The following RNF13 variants were observed in gnomAD, a reference collection of about 807,000 sequenced individuals.
RNF13 encodes the protein ring finger protein 13.
A neutral mutation model predicts 37.7 loss-of-function variants in RNF13; 19 were observed. The ratio of observed to expected loss-of-function variants is 0.50; its 90% CI spans 0.35 to 0.74. The LOEUF (loss-of-function observed/expected upper bound fraction) is 0.74. Ranked by LOEUF, RNF13 falls within the 30% of genes least tolerant of loss-of-function variation. The pLI, the probability that RNF13 is intolerant of heterozygous loss-of-function variation, is 0.01. For missense variants in RNF13, 375 were observed against 453.0 expected (o/e 0.83, Z 1.56); for synonymous variants, 144 against 157.8 (o/e 0.91, Z 0.65).
chr3:149,870,887 AC>A lies in RNF13; in HGVS notation c.196-1141del, dbSNP rs1242326598. On this transcript the variant is annotated intron_variant, in intron 3 of 9. Coordinates refer to ENST00000392894, the MANE Select transcript of RNF13 (RefSeq NM_183381.3). ...ATTGGTGTGACCAGTTCAGGACCAT[AC>A]AGAACTGTTGTTAAGGCATTGTCTC... Among the ~76,000 whole-genome samples the A allele has an allele frequency of 2.6e-5, 4 of 151,780 alleles. 1 individual carries two copies. The highest frequency in any genetic ancestry group is 4.4e-5 in the Non-Finnish European group (3 of 67,836).
chr3:149,819,851 T>G (rs1364994297), intron 1 of RNF13, among the ~76,000 whole-genome samples: 3 of 152,238 alleles, frequency 2.0e-5, no homozygotes, highest in Admixed American at 6.5e-5. Flanking sequence ...TAAGAGAAGG[T>G]GTTCCCTGAG....
intron 2 of RNF13, chr3:149,851,329 G>C (rs16862273): frequency 0.042 from 6,392 of 152,336 alleles, 182 homozygotes; most frequent in African/African-American, 0.075. Flanking sequence ...TTTGCTTGCT[G>C]TACTGGAGAG....
At chr3:149,827,758 G>A (rs1219664103) in intron 1 of RNF13, among the ~76,000 whole-genome samples, 1 of 152,142 alleles carries the variant, frequency 6.6e-6, no homozygotes, top group Non-Finnish European at 1.5e-5. Flanking sequence ...ACTTGTCAAG[G>A]GAGAGTGTGG....
chr3:149,842,111 C>T (rs1033886287), intron 1 of RNF13, among the ~76,000 whole-genome samples: 1 of 152,040 alleles, frequency 6.6e-6, no homozygotes, highest in African/African-American at 2.4e-5. Context: ...CTTAGATATC[C>T]CTCAGAGTTT....
rs1712115982 is a variant in RNF13 at position 149,871,913 on chromosome 3, A to G, written c.196-116A>G. On this transcript the variant is annotated intron_variant, in intron 3 of 9. Transcript: ENST00000392894. ...TGATTGTGAGCAATTTTACATGCCC[A>G]ATGATACATCTAGCATAATGCAAAA... is the stretch of plus-strand genomic sequence containing the variant. 2.1e-5 allele frequency: 15 copies of G among 710,376 alleles called. No individual in the cohort carries two copies. The East Asian group carries it at 4.5e-4, about 21-fold the overall frequency. The allele number at this position is 710,376 out of a possible 1,614,324, so 44.0% of individuals were successfully genotyped here. A position where few individuals can be genotyped will look rare whatever the true frequency, so the allele number is the denominator to read the frequency against.
intron 6 of RNF13, among the ~76,000 whole-genome samples, chr3:149,906,645 C>CTTTTTTTTTTTTTTTTTTT (rs35801459): frequency 1.3e-5 from 1 of 79,154 alleles, no homozygotes; most frequent in African/African-American, 5.0e-5. Context: ...TTCAATTCTG[C>CTTTTTTTTTTTTTTTTTTT]TTTTTTTTTT....
At chr3:149,815,033 G>A (rs1463101596) in intron 1 of RNF13, among the ~76,000 whole-genome samples, 2 of 152,006 alleles carry the variant, frequency 1.3e-5, no homozygotes, top group African/African-American at 4.8e-5. Flanking sequence ...GGTTTGAGAG[G>A]TATAATACTG....
chr3:149,827,096 C>A (rs1376554031), intron 1 of RNF13, among the ~76,000 whole-genome samples: 1 of 152,074 alleles, frequency 6.6e-6, no homozygotes, highest in East Asian at 1.9e-4. Context: ...ACAGTTGGCC[C>A]TCTGTATCCA....
intron 5 of RNF13, among the ~76,000 whole-genome samples, chr3:149,898,913 G>A (rs1034889046): frequency 2.0e-5 from 3 of 152,154 alleles, no homozygotes; most frequent in African/African-American, 7.2e-5. Flanking sequence ...TTTGAGCACC[G>A]ATCTAAAGTT....
chr3:149,939,623 T>C (rs1720054217), intron 8 of RNF13: 5 of 635,828 alleles, frequency 7.9e-6, no homozygotes, highest in South Asian at 6.9e-5. Context: ...GTTTCAACAA[T>C]ATGCAATTTA....
At chr3:149,916,773 A>C (rs1001068638) in intron 7 of RNF13, among the ~76,000 whole-genome samples, 1 of 152,126 alleles carries the variant, frequency 6.6e-6, no homozygotes, top group Non-Finnish European at 1.5e-5. Context: ...TAGACTAAAA[A>C]CTTAAAATAA....
chr3:149,880,559 T>C (rs1054135601), intron 4 of RNF13, among the ~76,000 whole-genome samples: 2 of 152,204 alleles, frequency 1.3e-5, no homozygotes, highest in African/African-American at 2.4e-5. Context: ...TTTTAACTTA[T>C]AGCAAGCATA....
intron 4 of RNF13, among the ~76,000 whole-genome samples, chr3:149,879,363 A>G (rs1219072922): frequency 6.9e-6 from 1 of 145,034 alleles, no homozygotes; most frequent in East Asian, 2.0e-4. Flanking sequence ...GCTGGAGTGC[A>G]GTGGCATGAA....
At chr3:149,869,139 A>G (rs1711690745) in intron 3 of RNF13, among the ~76,000 whole-genome samples, 1 of 151,674 alleles carries the variant, frequency 6.6e-6, no homozygotes, top group Admixed American at 6.6e-5. Flanking sequence ...GCCTTTAATG[A>G]ATTTTTCAGG....
chr3:149,887,665 T>G lies in RNF13; in HGVS notation c.322-7808T>G, dbSNP rs567511650. 2.6e-5 allele frequency among the ~76,000 whole-genome samples: 4 copies of G among 152,340 alleles called. No individual in the cohort carries two copies. The East Asian group carries it at 7.7e-4, about 29-fold the overall frequency. ...ATGTGAACTGCAGATAAAGACTGTT[T>G]TAGTTTTTCATTTCTTCATCCATAT... On this transcript the variant is annotated intron_variant, in intron 4 of 9. Transcript: ENST00000392894.
Position 149,872,107 on chromosome 3 carries a change from A to T in RNF13, c.274A>T (p.Thr92Ser). ...PPPVKDNSSG[T>S]FIVLIRRLDC... ...ACCAGTAAAAGACAATTCATCTGGCACTTTCATCGTGTTAATTAGAAGACT... is the reference window on the plus strand; with the variant it reads ...ACCAGTAAAAGACAATTCATCTGGCTCTTTCATCGTGTTAATTAGAAGACT... The change falls in exon 4 of 10, where the codon ACT becomes TCT. Residue 92 changes from threonine to serine, a missense_variant. Thr to Ser is a moderately conservative substitution (Grantham distance 58). Coordinates refer to ENST00000392894, the MANE Select transcript of RNF13 (RefSeq NM_183381.3). 7 of 1,602,014 alleles carry T rather than the reference A, an allele frequency of 4.4e-6. No individual in the cohort carries two copies. Among genetic ancestry groups the T allele is most frequent in the Non-Finnish European group, 6.0e-6 (7 of 1,172,000 alleles).
intron 1 of RNF13, among the ~76,000 whole-genome samples, chr3:149,826,292 T>A (rs1720495665): frequency 6.6e-6 from 1 of 152,218 alleles, no homozygotes; most frequent in Non-Finnish European, 1.5e-5. Flanking sequence ...GCTGCTACAT[T>A]TGACCTTTAT....
intron 1 of RNF13, among the ~76,000 whole-genome samples, chr3:149,835,667 T>TGTGTGTGTTTG (rs1218091872): frequency 2.8e-4 from 25 of 88,056 alleles, no homozygotes; most frequent in African/African-American, 9.4e-4. Flanking sequence ...GTGTGTGTGT[T>TGTGTGTGTTTG]TGTGTGTGTG....
chr3:149,819,077 C>T (rs1239770684), intron 1 of RNF13, among the ~76,000 whole-genome samples: 1 of 152,162 alleles, frequency 6.6e-6, no homozygotes, highest in African/African-American at 2.4e-5. Context: ...AATATCTTAA[C>T]CTCTCAGTTC....
Sources: allele counts gnomAD v4.1 joint callset (sites outside exome capture counted in the v4.1 genomes callset), GRCh38; gene constraint gnomAD v4.1.1; transcripts MANE v1.5; gene names NCBI Gene and HGNC (gene_info 2026-07-23, HGNC 2026-07-21).